CNRIP1: variants seen among roughly 807,000 people sequenced by gnomAD.
The protein encoded by CNRIP1 is CB1 cannabinoid receptor-interacting protein 1.
CNRIP1 carries 10 observed loss-of-function variants against 15.2 expected under a neutral mutation model. The ratio of observed to expected loss-of-function variants is 0.66; its 90% CI spans 0.41 to 1.12. The LOEUF (loss-of-function observed/expected upper bound fraction) is 1.12, where lower values mean the gene tolerates loss of function less well. CNRIP1 is among the 50% of genes most tolerant of loss of function. The pLI is 0.00. For synonymous variants in CNRIP1, 91 were observed against 83.2 expected, an observed-to-expected ratio of 1.09 and a Z score of -0.51; for missense variants, 211 against 214.7, an observed-to-expected ratio of 0.98 and a Z score of 0.11.
intron 2 of CNRIP1, among the ~76,000 whole-genome samples, chr2:68,305,244 C>CA (rs60243249): frequency 0.069 from 6,271 of 90,512 alleles, 128 homozygotes; most frequent in Middle Eastern, 0.098. Context: ...AACTCCGTCT[C>CA]AAAAAAAAAA....
At chr2:68,313,108 T>C (rs1332809762) in intron 2 of CNRIP1, among the ~76,000 whole-genome samples, 2 of 152,108 alleles carry the variant, frequency 1.3e-5, no homozygotes, top group Non-Finnish European at 2.9e-5. Context: ...GCTAGAAGAT[T>C]TATGCTACCT....
chr2:68,295,905 G>T (rs1410688888), intron 2 of CNRIP1, among the ~76,000 whole-genome samples: 1 of 152,144 alleles, frequency 6.6e-6, no homozygotes, highest in African/African-American at 2.4e-5. Flanking sequence ...ATACCTCAAA[G>T]TTAAGAAAAA....
At chr2:68,297,334 A>G (rs1671407034) in intron 2 of CNRIP1, among the ~76,000 whole-genome samples, 2 of 152,168 alleles carry the variant, frequency 1.3e-5, no homozygotes, top group Admixed American at 6.5e-5. Flanking sequence ...TGGGAGGCCA[A>G]CATAGTAGTA....
intron 2 of CNRIP1, among the ~76,000 whole-genome samples, chr2:68,304,634 T>TTTTC (rs910051587): frequency 6.6e-6 from 1 of 151,556 alleles, no homozygotes; most frequent in African/African-American, 2.4e-5. Flanking sequence ...GTCTTTTTTT[T>TTTTC]TTTTTTGAGA....
chr2:68,303,205 A>C (rs1054196459), intron 2 of CNRIP1, among the ~76,000 whole-genome samples: 1 of 152,228 alleles, frequency 6.6e-6, no homozygotes, highest in Non-Finnish European at 1.5e-5. Context: ...CTCAAAAGAC[A>C]ATAATAGCTA....
At chr2:68,302,368 C>T (rs1444113689) in intron 2 of CNRIP1, among the ~76,000 whole-genome samples, 4 of 152,212 alleles carry the variant, frequency 2.6e-5, no homozygotes, top group Non-Finnish European at 5.9e-5. Context: ...AAACTCTCAC[C>T]AGTCTCCCAG....
intron 2 of CNRIP1, among the ~76,000 whole-genome samples, chr2:68,300,228 G>A (rs1309598451): frequency 6.6e-6 from 1 of 152,194 alleles, no homozygotes; most frequent in Admixed American, 6.5e-5. Flanking sequence ...CACCAGCAAT[G>A]AGAATTTCAA....
At chr2:68,313,718 A>G (rs1672176028) in intron 2 of CNRIP1, among the ~76,000 whole-genome samples, 1 of 152,172 alleles carries the variant, frequency 6.6e-6, no homozygotes, top group South Asian at 2.1e-4. Flanking sequence ...TGGTGATTAT[A>G]TAGTAGCATC....
Position 68,319,508 on chromosome 2 carries a change from G to C in CNRIP1, c.-108C>G. 1 of 1,190,080 alleles carries C rather than the reference G, an allele frequency of 8.4e-7. No individual in the cohort carries two copies. 73.7% of individuals were successfully genotyped at this position (1,190,080 alleles called of 1,614,324 possible). On this transcript the variant is annotated 5_prime_UTR_variant, in exon 1 of 3. Transcript: ENST00000263655. ...GGAGAGGAAGCGCGGGGAGGGTGAG[G>C]GAGGTGGTGGAGCTGAGGCTGCCGC...
At chr2:68,312,031 T>C (rs902544464) in intron 2 of CNRIP1, among the ~76,000 whole-genome samples, 1 of 152,146 alleles carries the variant, frequency 6.6e-6, no homozygotes, top group Non-Finnish European at 1.5e-5. Context: ...AATCTATGCC[T>C]TCATTGGTGA....
At chr2:68,287,102 T>G (rs749225853) in intron 2 of CNRIP1, among the ~76,000 whole-genome samples, 1 of 152,256 alleles carries the variant, frequency 6.6e-6, no homozygotes, top group Non-Finnish European at 1.5e-5. Flanking sequence ...GGTTTAATCC[T>G]TCTCCTAATC....
intron 2 of CNRIP1, among the ~76,000 whole-genome samples, chr2:68,302,133 TTC>T (rs996716180): frequency 1.3e-5 from 2 of 152,182 alleles, no homozygotes; most frequent in Non-Finnish European, 2.9e-5. Flanking sequence ...CCACTTGTAT[TTC>T]TTTTATAAAT....
intron 2 of CNRIP1, among the ~76,000 whole-genome samples, chr2:68,311,772 C>T (rs1449097131): frequency 9.1e-6 from 1 of 110,182 alleles, no homozygotes; most frequent in African/African-American, 4.1e-5. Flanking sequence ...GAGACTCCAT[C>T]TCCGGGGAAA....
chr2:68,316,752 C>T, intron 2 of CNRIP1: 1 of 330,882 alleles, frequency 3.0e-6, no homozygotes, highest in Non-Finnish European at 5.5e-6. Flanking sequence ...CTTTTTTTGG[C>T]TCCTCCATTT....
At chr2:68,298,949 G>A (rs1671493121) in intron 2 of CNRIP1, among the ~76,000 whole-genome samples, 1 of 152,172 alleles carries the variant, frequency 6.6e-6, no homozygotes, top group Admixed American at 6.5e-5. Context: ...AGGCTCCTGG[G>A]TGGTACAATT....
chr2:68,302,824 T>C (rs1003036525), intron 2 of CNRIP1, among the ~76,000 whole-genome samples: 1 of 152,040 alleles, frequency 6.6e-6, no homozygotes, highest in African/African-American at 2.4e-5. Flanking sequence ...CCCAGAATCA[T>C]TTATTCAATG....
downstream of CNRIP1, among the ~76,000 whole-genome samples, chr2:68,292,632 C>A (rs574670883): frequency 2.6e-4 from 40 of 152,258 alleles, 1 homozygote; most frequent in African/African-American, 8.9e-4. Context: ...GGTATATGGG[C>A]TTTGTGCAAG....
At chr2:68,306,982 A>G (rs546935018) in intron 2 of CNRIP1, among the ~76,000 whole-genome samples, 100 of 152,354 alleles carry the variant, frequency 6.6e-4, no homozygotes, top group Non-Finnish European at 1.1e-3. Context: ...GATTTGCATG[A>G]TTTTAAAAAG....
At chr2:68,294,051 T>TA (rs778498035) in intron 2 of CNRIP1, 25 bp from the exon 3 acceptor site, 28 of 1,608,808 alleles carry the variant, frequency 1.7e-5, no homozygotes, top group Middle Eastern at 1.7e-4. Context: ...ACATGCCTGA[T>TA]AAAAAACCTC....
Sources: gnomAD v4.1 joint callset for allele counts (sites outside exome capture counted in the v4.1 genomes callset) on GRCh38, gnomAD v4.1.1 for gene constraint, MANE v1.5 for transcripts, NCBI Gene and HGNC (gene_info 2026-07-23, HGNC 2026-07-21) for gene names.